The following FAM227B variants were observed in gnomAD, a reference collection of about 807,000 sequenced individuals.
FAM227B encodes the protein family with sequence similarity 227 member B.
FAM227B carries 88 observed loss-of-function variants against 73.8 expected under a neutral mutation model. The ratio of observed to expected loss-of-function variants is 1.19; its 90% CI spans 1.00 to 1.42. The LOEUF is 1.42. FAM227B is among the 40% of genes most tolerant of loss of function. The probability of loss-of-function intolerance (pLI) is 0.00; values close to 1 mark genes in which losing one functional copy is unlikely to be tolerated. For missense variants in FAM227B, 632 were observed against 590.9 expected, an observed-to-expected ratio of 1.07 and a Z score of -0.72; for synonymous variants, 210 against 190.5, an observed-to-expected ratio of 1.10 and a Z score of -0.84.
At chr15:49,532,373 A>C (rs1285818286) in intron 10 of FAM227B, among the ~76,000 whole-genome samples, 1 of 151,910 alleles carries the variant, frequency 6.6e-6, no homozygotes, top group African/African-American at 2.4e-5. Context: ...CTAAGCAATA[A>C]ATATGAAAAT....
chr15:49,372,192 TTATA>T (rs2045887296), intron 11 of FAM227B, among the ~76,000 whole-genome samples: 1 of 145,470 alleles, frequency 6.9e-6, no homozygotes, highest in Non-Finnish European at 1.5e-5. Context: ...TAAAATTCAC[TTATA>T]AATAAATGAA....
chr15:49,422,145 A>AGAGAGAGAGAGAGAGTGAGTGTGT, intron 11 of FAM227B, among the ~76,000 whole-genome samples: 1 of 139,822 alleles, frequency 7.2e-6, no homozygotes, highest in South Asian at 2.8e-4. Flanking sequence ...AGAGAGAGAG[A>AGAGAGAGAGAGAGAGTGAGTGTGT]GTGTGTGTGT....
At chr15:49,567,179 G>C (rs962875690) in intron 9 of FAM227B, among the ~76,000 whole-genome samples, 1 of 152,106 alleles carries the variant, frequency 6.6e-6, no homozygotes. Context: ...CTGTTTTTGT[G>C]ATCTTTAGAC....
chr15:49,619,104 AC>A (rs908775218), intron 1 of FAM227B, among the ~76,000 whole-genome samples: 3 of 152,168 alleles, frequency 2.0e-5, no homozygotes, highest in African/African-American at 7.2e-5. Flanking sequence ...AAAAATAAAA[AC>A]ATCTGGCCTT....
intron 11 of FAM227B, among the ~76,000 whole-genome samples, chr15:49,380,183 T>A (rs1257140366): frequency 6.6e-6 from 1 of 152,190 alleles, no homozygotes; most frequent in African/African-American, 2.4e-5. Context: ...TGGGGAGTAC[T>A]GCCAGACTAC....
At chr15:49,428,075 C>A (rs373777967) in intron 11 of FAM227B, among the ~76,000 whole-genome samples, 141 of 151,916 alleles carry the variant, frequency 9.3e-4, no homozygotes, top group Non-Finnish European at 1.6e-3. Context: ...TATTAGTAGA[C>A]ATATAAATAA....
intron 5 of FAM227B, among the ~76,000 whole-genome samples, chr15:49,579,518 T>G (rs2075677984): frequency 6.6e-6 from 1 of 152,180 alleles, no homozygotes; most frequent in Non-Finnish European, 1.5e-5. Flanking sequence ...GGAGGTTGTC[T>G]GTTAAGTGAA....
At chr15:49,392,304 A>G (rs758035308) in intron 11 of FAM227B, among the ~76,000 whole-genome samples, 8 of 152,184 alleles carry the variant, frequency 5.3e-5, no homozygotes, top group Non-Finnish European at 5.9e-5. Context: ...ATTGAGTTCT[A>G]GTAAAACATA....
At chr15:49,420,603 A>T (rs1463738895) in intron 11 of FAM227B, among the ~76,000 whole-genome samples, 1 of 152,254 alleles carries the variant, frequency 6.6e-6, no homozygotes, top group Non-Finnish European at 1.5e-5. Context: ...ATGAAAACTG[A>T]CAGGATATGG....
chr15:49,599,712 A>T (rs780807405), intron 3 of FAM227B, among the ~76,000 whole-genome samples: 6 of 152,068 alleles, frequency 3.9e-5, no homozygotes, highest in Non-Finnish European at 7.4e-5. Flanking sequence ...ATTTTGTTCA[A>T]TTTCCAGTTC....
At chr15:49,390,883 T>C (rs1567196728) in intron 11 of FAM227B, among the ~76,000 whole-genome samples, 2 of 152,044 alleles carry the variant, frequency 1.3e-5, no homozygotes. Context: ...AGTTATCCCT[T>C]CCTTGAAACA....
chr15:49,486,765 T>C (rs1405561643), intron 11 of FAM227B: 2 of 151,976 alleles, frequency 1.3e-5, no homozygotes, highest in Non-Finnish European at 2.9e-5. Flanking sequence ...AAAAGACTTC[T>C]AGAAATATGT....
In FAM227B at chr15:49,526,776, G is replaced by A. The variant is rs572600371; in HGVS notation, c.874+14904C>T. Among the ~76,000 whole-genome samples, 134 of 151,914 alleles carry A rather than the reference G, an allele frequency of 8.8e-4. 5 individuals carry two copies. In the South Asian group the frequency reaches 0.027, roughly 30 times the overall value. ...GAGACTATTTTGAACATCTCTATGTGTACAAACTAGAAAACCTAGAAGAAA... is the reference window on the plus strand; with the variant it reads ...GAGACTATTTTGAACATCTCTATGTATACAAACTAGAAAACCTAGAAGAAA... On this transcript the variant is annotated intron_variant, in intron 10 of 15. Coordinates refer to ENST00000299338, the MANE Select transcript of FAM227B (RefSeq NM_152647.3).
chr15:49,461,497 C>A (rs1312413622), intron 11 of FAM227B, among the ~76,000 whole-genome samples: 1 of 152,174 alleles, frequency 6.6e-6, no homozygotes, highest in Non-Finnish European at 1.5e-5. Context: ...TGAGAAACTG[C>A]ATATTTCATG....
chr15:49,425,321 C>T (rs764962468), intron 11 of FAM227B: 4 of 151,960 alleles, frequency 2.6e-5, no homozygotes, highest in Non-Finnish European at 4.4e-5. Context: ...TAAAGCCTTA[C>T]ATTTTTCCCA....
chr15:49,355,845 G>T (rs2043064372), intron 13 of FAM227B, among the ~76,000 whole-genome samples: 1 of 152,132 alleles, frequency 6.6e-6, no homozygotes. Flanking sequence ...AGAGAGAAAG[G>T]TCGGGTCACC....
intron 14 of FAM227B, among the ~76,000 whole-genome samples, chr15:49,335,209 CTTCCT>C (rs2039495142): frequency 6.6e-6 from 1 of 152,106 alleles, no homozygotes; most frequent in Non-Finnish European, 1.5e-5. Flanking sequence ...GCAAAGCTTC[CTTCCT>C]TTCTTCTGTC....
intron 9 of FAM227B, among the ~76,000 whole-genome samples, chr15:49,553,908 T>A (rs868151180): frequency 6.6e-5 from 10 of 152,266 alleles, no homozygotes; most frequent in Middle Eastern, 3.4e-3. Flanking sequence ...GCCATGCTGG[T>A]ACCTGAAGCC....
chr15:49,385,881 C>G (rs1481756754), intron 11 of FAM227B, among the ~76,000 whole-genome samples: 2 of 151,676 alleles, frequency 1.3e-5, no homozygotes, highest in East Asian at 3.9e-4. Flanking sequence ...GACTTCAAAG[C>G]AACAACACTA....
Sources: gnomAD v4.1 joint callset for allele counts (sites outside exome capture counted in the v4.1 genomes callset) on GRCh38, gnomAD v4.1.1 for gene constraint, MANE v1.5 for transcripts, NCBI Gene and HGNC (gene_info 2026-07-23, HGNC 2026-07-21) for gene names.